NECTIN1: variants seen among roughly 807,000 people sequenced by gnomAD.
NECTIN1 encodes the protein nectin-1.
NECTIN1 carries 23 observed loss-of-function variants against 48.0 expected under a neutral mutation model. The ratio of observed to expected loss-of-function variants is 0.48; its 90% CI spans 0.34 to 0.68. NECTIN1 has a LOEUF of 0.68. Among genes scored for constraint, NECTIN1 ranks in the 30% least tolerant of loss-of-function variants. The probability of loss-of-function intolerance (pLI) is 0.01; values close to 1 mark genes in which losing one functional copy is unlikely to be tolerated. For synonymous variants in NECTIN1, 270 were observed against 288.9 expected (o/e 0.93, Z 0.66); for missense variants, 591 against 709.9 (o/e 0.83, Z 1.90).
chr11:119,642,702 G>T (rs1269160527), intron 5 of NECTIN1: 1 of 153,490 alleles, frequency 6.5e-6, no homozygotes, highest in East Asian at 1.9e-4. Context: ...ATCCAAGCAT[G>T]CTCAAAAGTC....
intron 1 of NECTIN1, among the ~76,000 whole-genome samples, chr11:119,712,355 C>CCCCATAG (rs1865666491): frequency 8.4e-6 from 1 of 119,200 alleles, no homozygotes; most frequent in Non-Finnish European, 2.0e-5. Context: ...CCAGTTCAGG[C>CCCCATAG]CCCCGAGTCT....
chr11:119,692,113 C>CG (rs1450169834), intron 1 of NECTIN1, among the ~76,000 whole-genome samples: 1 of 151,804 alleles, frequency 6.6e-6, no homozygotes, highest in East Asian at 1.9e-4. Context: ...CCCATGCTTC[C>CG]CCGCCCGACC....
intron 1 of NECTIN1, among the ~76,000 whole-genome samples, chr11:119,725,652 GC>G (rs1285029317): frequency 6.6e-6 from 1 of 152,184 alleles, no homozygotes; most frequent in Non-Finnish European, 1.5e-5. Context: ...TAACCCAATA[GC>G]CCCGACACTT....
chr11:119,697,741 T>C (rs1345987134), intron 1 of NECTIN1, among the ~76,000 whole-genome samples: 2 of 152,252 alleles, frequency 1.3e-5, no homozygotes, highest in African/African-American at 4.8e-5. Context: ...TGTGGTCCAC[T>C]GTGCTCCCTT....
chr11:119,725,363 G>A (rs1253259218), intron 1 of NECTIN1, among the ~76,000 whole-genome samples: 4 of 152,202 alleles, frequency 2.6e-5, no homozygotes, highest in Non-Finnish European at 4.4e-5. Context: ...TGTCCCATAT[G>A]CTCTGAAGTT....
chr11:119,721,819 C>G (rs1865835448), intron 1 of NECTIN1, among the ~76,000 whole-genome samples: 1 of 152,254 alleles, frequency 6.6e-6, no homozygotes, highest in African/African-American at 2.4e-5. Context: ...CACTGCTTCC[C>G]TGGCCCCCAG....
chr11:119,725,986 GAA>G (rs1172810551), intron 1 of NECTIN1, among the ~76,000 whole-genome samples: 1 of 152,186 alleles, frequency 6.6e-6, no homozygotes, highest in Non-Finnish European at 1.5e-5. Context: ...GTCATCTCAG[GAA>G]ACAGAGGCCT....
chr11:119,689,135 C>T (rs1265498852), intron 1 of NECTIN1, among the ~76,000 whole-genome samples: 1 of 152,156 alleles, frequency 6.6e-6, no homozygotes, highest in Non-Finnish European at 1.5e-5. Context: ...AAGTGAAATC[C>T]ACAACATGTG....
intron 1 of NECTIN1, among the ~76,000 whole-genome samples, chr11:119,700,072 T>C (rs1292871543): frequency 6.6e-6 from 1 of 152,184 alleles, no homozygotes; most frequent in Non-Finnish European, 1.5e-5. Context: ...ACCGTGTTCA[T>C]GATTCGAGGC....
chr11:119,674,329 C>A, intron 5 of NECTIN1: 2 of 1,366,752 alleles, frequency 1.5e-6, no homozygotes, highest in South Asian at 1.6e-5. Context: ...GGCAGTTTAC[C>A]CCTGTGTGGA....
exon 6 of NECTIN1, chr11:119,639,940 A>T: frequency 2.5e-6 from 4 of 1,614,152 alleles, no homozygotes; most frequent in Non-Finnish European, 3.4e-6. Flanking sequence ...AGCAACTAGG[A>T]TGAGGAACAC....
chr11:119,654,897 C>A (rs569053360), intron 5 of NECTIN1, among the ~76,000 whole-genome samples: 1 of 151,564 alleles, frequency 6.6e-6, no homozygotes, highest in African/African-American at 2.4e-5. Flanking sequence ...AATAGACTTA[C>A]ATTTATTTTT....
At position 119,664,357 on chromosome 11, in the gene NECTIN1, C is replaced by T. The variant is rs969961400; in HGVS notation, c.*390G>A. On this transcript the variant is annotated 3_prime_UTR_variant, in exon 6 of 6. Coordinates refer to ENST00000264025, the MANE Select transcript of NECTIN1 (RefSeq NM_002855.5). ...TAGAGCCCCTTGAGCCCTCCACCCC[C>T]AGTGAAGAAACACAAACAAATTCCA... is the stretch of plus-strand genomic sequence containing the variant. 1 of 1,039,532 alleles carries T rather than the reference C, an allele frequency of 9.6e-7. No homozygotes were observed. The highest frequency in any genetic ancestry group is 1.2e-6 in the Non-Finnish European group (1 of 863,286). 64.4% of individuals were successfully genotyped at this position (1,039,532 alleles called of 1,614,324 possible). A position where few individuals can be genotyped will look rare whatever the true frequency, so the allele number is the denominator to read the frequency against.
At chr11:119,660,731 C>G (rs1864648494), downstream of NECTIN1, among the ~76,000 whole-genome samples, 2 of 152,126 alleles carry the variant, frequency 1.3e-5, no homozygotes, top group Admixed American at 1.3e-4. Context: ...TTAAAGGCCT[C>G]CCTCCTGTGT....
rs79490205 is a variant in NECTIN1 at position 119,701,934 on chromosome 11, C to T, written c.80-23169G>A. Among the ~76,000 whole-genome samples the T allele has an allele frequency of 4.6e-3, 699 of 152,284 alleles. 8 individuals carry two copies. In the East Asian group the frequency reaches 0.049, roughly 11 times the overall value. On this transcript the variant is annotated intron_variant, in intron 1 of 5. Coordinates refer to ENST00000264025, the MANE Select transcript of NECTIN1 (RefSeq NM_002855.5). ...CAGACATTAAGCTGTCAAACCACTC[C>T]CAATTATCTCCCTCTATGCCCGCCG...
At chr11:119,653,380 G>A (rs11604525) in intron 5 of NECTIN1, among the ~76,000 whole-genome samples, 7,644 of 152,184 alleles carry the variant, frequency 0.05, 647 homozygotes, top group African/African-American at 0.17. Context: ...CCTTTGCTCC[G>A]GGGTGAATGT....
chr11:119,639,941 T>C lies in NECTIN1; in HGVS notation c.1075A>G (p.Ile359Val). 4 of 1,614,118 alleles carry C rather than the reference T, an allele frequency of 2.5e-6. No homozygotes were observed. The South Asian group carries it at 4.4e-5, about 18-fold the overall frequency. Residue 359 changes from isoleucine (I) to valine (V), a missense_variant, in exon 6 of 8, where the codon ATC becomes GTC. Transcript: ENST00000341398. ...AAGACAGTGAGCACAGCAACTAGGATGAGGAACACGGCCACGGTGCCCGCC... is the reference window on the plus strand; with the variant it reads ...AAGACAGTGAGCACAGCAACTAGGACGAGGAACACGGCCACGGTGCCCGCC...
chr11:119,722,431 T>G (rs1232610166), intron 1 of NECTIN1, among the ~76,000 whole-genome samples: 1 of 152,244 alleles, frequency 6.6e-6, no homozygotes, highest in African/African-American at 2.4e-5. Context: ...GATGGTGCTG[T>G]GGTCCATCTT....
chr11:119,691,524 C>T (rs1255030325), intron 1 of NECTIN1, among the ~76,000 whole-genome samples: 1 of 152,254 alleles, frequency 6.6e-6, no homozygotes, highest in Non-Finnish European at 1.5e-5. Flanking sequence ...CACTCTCTGC[C>T]TTGCTCTTGC....
Sources: allele counts gnomAD v4.1 joint callset (sites outside exome capture counted in the v4.1 genomes callset), GRCh38; gene constraint gnomAD v4.1.1; transcripts MANE v1.5; gene names NCBI Gene and HGNC (gene_info 2026-07-23, HGNC 2026-07-21).